Variants in SLC8A1 observed in about 807,000 individuals in gnomAD.
The protein encoded by SLC8A1 is sodium/calcium exchanger 1.
A neutral mutation model predicts 68.3 loss-of-function variants in SLC8A1; 18 were observed. The observed-to-expected ratio is 0.26, with a 90% CI of 0.18 to 0.39. The LOEUF is 0.39. SLC8A1 is among the 10% of genes least tolerant of loss of function. The pLI is 1.00. For synonymous variants in SLC8A1, 475 were observed against 415.5 expected, an observed-to-expected ratio of 1.14 and a Z score of -1.74; for missense variants, 985 against 1,156.7, an observed-to-expected ratio of 0.85 and a Z score of 2.15.
chr2:40,494,479 T>C (rs1030231578), intron 1 of SLC8A1, among the ~76,000 whole-genome samples: 11 of 151,810 alleles, frequency 7.2e-5, no homozygotes, highest in Non-Finnish European at 1.3e-4. Context: ...TGCATGTGTC[T>C]TTATAGCAGG....
At chr2:40,224,349 T>C (rs1481371515) in intron 2 of SLC8A1, among the ~76,000 whole-genome samples, 3 of 152,084 alleles carry the variant, frequency 2.0e-5, no homozygotes, top group Non-Finnish European at 4.4e-5. Flanking sequence ...TTGCTTGGAA[T>C]CTGCTCAACG....
At chr2:40,354,410 C>T (rs1451538513) in intron 2 of SLC8A1, among the ~76,000 whole-genome samples, 1 of 152,182 alleles carries the variant, frequency 6.6e-6, no homozygotes, top group Non-Finnish European at 1.5e-5. Context: ...ACAGCCCACC[C>T]ATCTGCTGAC....
intron 2 of SLC8A1, among the ~76,000 whole-genome samples, chr2:40,249,839 G>C (rs969157732): frequency 6.6e-6 from 1 of 152,148 alleles, no homozygotes; most frequent in South Asian, 2.1e-4. Flanking sequence ...CACAGGAAGG[G>C]TGTAGACTTC....
At chr2:40,452,857 GTC>G (rs1277742907), upstream of SLC8A1, among the ~76,000 whole-genome samples, 3 of 151,934 alleles carry the variant, frequency 2.0e-5, no homozygotes, top group African/African-American at 7.3e-5. Flanking sequence ...AAGACCCAGA[GTC>G]TGTTTCGTGT....
intron 7 of SLC8A1, among the ~76,000 whole-genome samples, chr2:40,123,946 CAAT>C (rs2037497336): frequency 6.6e-6 from 1 of 152,210 alleles, no homozygotes; most frequent in Non-Finnish European, 1.5e-5. Flanking sequence ...CCTCCCTTCC[CAAT>C]AATCTCCCTC....
At chr2:40,443,468 A>G in intron 1 of SLC8A1, among the ~76,000 whole-genome samples, 1 of 152,180 alleles carries the variant, frequency 6.6e-6, no homozygotes, top group East Asian at 1.9e-4. Flanking sequence ...TTAGGTGGAC[A>G]CTTTTGTAAT....
At chr2:40,398,303 C>A (rs946392950) in intron 2 of SLC8A1, among the ~76,000 whole-genome samples, 1 of 152,150 alleles carries the variant, frequency 6.6e-6, no homozygotes, top group African/African-American at 2.4e-5. Flanking sequence ...GCACTACCAG[C>A]AGAGTCTTTT....
At chr2:40,236,542 G>A (rs2060399896) in intron 2 of SLC8A1, among the ~76,000 whole-genome samples, 1 of 150,166 alleles carries the variant, frequency 6.7e-6, no homozygotes, top group Admixed American at 6.6e-5. Flanking sequence ...GATGGGTCTT[G>A]ACTCTTTATC....
chr2:40,368,129 TA>T (rs1676856637), intron 2 of SLC8A1, among the ~76,000 whole-genome samples: 2 of 152,074 alleles, frequency 1.3e-5, no homozygotes, highest in African/African-American at 4.8e-5. Context: ...TAATCATTGA[TA>T]AAAACGTTAA....
At chr2:40,234,213 G>T (rs1477104010) in intron 2 of SLC8A1, among the ~76,000 whole-genome samples, 1 of 151,944 alleles carries the variant, frequency 6.6e-6, no homozygotes, top group Non-Finnish European at 1.5e-5. Context: ...TCATGATATT[G>T]ATTCTTCCTA....
intron 2 of SLC8A1, among the ~76,000 whole-genome samples, chr2:40,197,110 A>C (rs1324922980): frequency 3.9e-5 from 6 of 152,018 alleles, no homozygotes; most frequent in Non-Finnish European, 7.4e-5. Context: ...GTTACTTGTT[A>C]CTGTAGAATT....
chr2:40,319,598 T>TCTCATA (rs2074938676), intron 2 of SLC8A1, among the ~76,000 whole-genome samples: 1 of 152,086 alleles, frequency 6.6e-6, no homozygotes, highest in South Asian at 2.1e-4. Context: ...AAGCAGCACA[T>TCTCATA]CTCATACTCC....
chr2:40,447,611 AAG>A (rs1701689253), intron 1 of SLC8A1, among the ~76,000 whole-genome samples: 1 of 151,930 alleles, frequency 6.6e-6, no homozygotes, highest in Admixed American at 6.5e-5. Flanking sequence ...AAAAAAAAGA[AAG>A]AACATATGCT....
At chr2:40,290,236 C>T (rs565792083) in intron 2 of SLC8A1, among the ~76,000 whole-genome samples, 65 of 150,340 alleles carry the variant, frequency 4.3e-4, no homozygotes, top group African/African-American at 1.2e-3. Flanking sequence ...AAACGCAGTA[C>T]GAAAGGCAAA....
chr2:40,286,294 G>T (rs1282900118), intron 2 of SLC8A1, among the ~76,000 whole-genome samples: 2 of 152,116 alleles, frequency 1.3e-5, no homozygotes, highest in African/African-American at 4.8e-5. Flanking sequence ...CTGTTCAGCT[G>T]TTCCTTATTC....
rs1302712241 is a variant in SLC8A1, at chr2:40,277,788, ATG to A, written c.1809-99935_1809-99934del. 6.3e-3 allele frequency among the ~76,000 whole-genome samples: 500 copies of A among 79,332 alleles called. 4 individuals carry two copies. Among genetic ancestry groups the A allele is most frequent in the Non-Finnish European group, 7.2e-3 (327 of 45,212 alleles). The allele number at this position is 79,332 out of a possible 152,430, so 52.0% of individuals were successfully genotyped here. On this transcript the variant is annotated intron_variant, in intron 2 of 7. Transcript: ENST00000406785. ...TAAACATATGTATAAATATATATAT[ATG>A]TGTGTATATATATATATATATATAT...
intron 3 of SLC8A1, 124 bp from the exon 5 acceptor site, chr2:40,174,966 G>C: frequency 1.1e-6 from 1 of 898,068 alleles, no homozygotes; most frequent in Admixed American, 2.3e-5. Context: ...CAATTAAGAA[G>C]ACTAGGAAAA....
At chr2:40,456,460 T>G (rs1387217911), upstream of SLC8A1, among the ~76,000 whole-genome samples, 1 of 152,216 alleles carries the variant, frequency 6.6e-6, no homozygotes, top group African/African-American at 2.4e-5. Context: ...GGCAGAATCA[T>G]TATCTAGAGC....
chr2:40,143,877 A>G (rs975845524), intron 6 of SLC8A1, among the ~76,000 whole-genome samples: 8 of 152,174 alleles, frequency 5.3e-5, no homozygotes, highest in Non-Finnish European at 1.2e-4. Context: ...CTGGAAGGTA[A>G]TGGACACGTG....
Sources: allele counts gnomAD v4.1 joint callset (sites outside exome capture counted in the v4.1 genomes callset), GRCh38; gene constraint gnomAD v4.1.1; transcripts MANE v1.5; gene names NCBI Gene and HGNC (gene_info 2026-07-23, HGNC 2026-07-21).